CLDN7: variants seen among roughly 807,000 people sequenced by gnomAD.
CLDN7 encodes the protein claudin 7, also known as claudin-7.
A neutral mutation model predicts 20.3 loss-of-function variants in CLDN7; 15 were observed. The observed-to-expected ratio is 0.74, with a 90% confidence interval of 0.49 to 1.14. CLDN7 has a LOEUF of 1.14. Among genes scored for constraint, CLDN7 ranks in the 50% most tolerant of loss-of-function variants. The probability of loss-of-function intolerance (pLI) is 0.00; values close to 1 mark genes in which losing one functional copy is unlikely to be tolerated. For synonymous variants in CLDN7, 117 were observed against 106.1 expected (o/e 1.10, Z -0.63); for missense variants, 261 against 274.2 (o/e 0.95, Z 0.34).
Position 7,260,249 on chromosome 17 carries a change from G to T in CLDN7, c.*125C>A. On this transcript the variant is annotated 3_prime_UTR_variant, in exon 4 of 4. Transcript: ENST00000360325. ...AACCCAAGAGGACTATACATGGAGT[G>T]CAGGGACAGAGTGACCAGGAGGCCT... The T allele has an allele frequency of 1.0e-5, 9 of 900,202 alleles. No homozygotes were observed. Among genetic ancestry groups the T allele is most frequent in the Non-Finnish European group, 1.5e-5 (9 of 600,000 alleles). 55.8% of individuals were successfully genotyped at this position (900,202 alleles called of 1,614,324 possible). A position where few individuals can be genotyped will look rare whatever the true frequency, so the allele number is the denominator to read the frequency against.
chr17:7,260,867 C>G lies in CLDN7; in HGVS notation c.342G>C (p.Lys114Asn). The G allele has an allele frequency of 6.2e-7, 1 of 1,614,250 alleles. No homozygotes were observed. The highest frequency in any genetic ancestry group is 8.5e-7 in the Non-Finnish European group (1 of 1,180,054). Reference sequence around the variant, plus strand: ...CTCCACCCATGGCTATACGGGCCTTCTTCACTTTGTCGTCTCCCCCACAGC... The same window carrying G: ...CTCCACCCATGGCTATACGGGCCTTGTTCACTTTGTCGTCTCCCCCACAGC... ...CTRCGGDDKV[K>N]KARIAMGGGI... Residue 114 changes from lysine to asparagine, a missense_variant, in exon 2 of 4, where the codon AAG becomes AAC. This residue lies in a region of CLDN7 where 215 missense variants were observed against 199.6 expected (regional missense o/e 1.08). Coordinates refer to ENST00000360325, the MANE Select transcript of CLDN7 (RefSeq NM_001307.6).
Position 7,261,907 on chromosome 17 carries a change from A to G in CLDN7, c.137T>C (p.Met46Thr). The stretch of plus-strand genomic sequence containing the variant: ...GCAGTCCATCCACAGCCCCTTGTAC[A>G]TGGCCTGGGCCGTGATGATGTTGTC... ...AGDNIITAQA[M>T]YKGLWMDCVT... Residue 46 changes from methionine to threonine, a missense_variant, in exon 1 of 4, where the codon ATG (methionine) becomes ACG (threonine). By Grantham distance (81) the Met-to-Thr change is moderately conservative. Coordinates refer to ENST00000360325, the MANE Select transcript of CLDN7 (RefSeq NM_001307.6). 1.2e-6 allele frequency: 2 copies of G among 1,614,196 alleles called. No individual in the cohort carries two copies. Among genetic ancestry groups the G allele is most frequent in the African/African-American group, 1.3e-5 (1 of 75,066 alleles).
Position 7,260,239 on chromosome 17 carries a change from T to G in CLDN7, c.*135A>C. The G allele has an allele frequency of 1.5e-6, 1 of 660,996 alleles. No individual in the cohort carries two copies. 40.9% of individuals were successfully genotyped at this position (660,996 alleles called of 1,614,324 possible). ...CCCCACCCCCAACCCAAGAGGACTA[T>G]ACATGGAGTGCAGGGACAGAGTGAC... On this transcript the variant is annotated 3_prime_UTR_variant, in exon 4 of 4. Transcript: ENST00000360325.
Position 7,260,150 on chromosome 17 carries a change from TATTTTTTATTACTGTACAAAA to T in CLDN7, c.*203_*223del. 2.2e-6 allele frequency: 1 copy of T among 445,212 alleles called. No individual in the cohort carries two copies. Among genetic ancestry groups the T allele is most frequent in the South Asian group, 4.0e-5 (1 of 25,254 alleles). 27.6% of individuals were successfully genotyped at this position (445,212 alleles called of 1,614,324 possible). ...GGAAAAAAGCCTGCTTCCCAATACT[TATTTTTTATTACTGTACAAAA>T]AGCACACTCTCCCTCTTTTTGTCTC... On this transcript the variant is annotated 3_prime_UTR_variant, in exon 4 of 4. Coordinates refer to ENST00000360325, the MANE Select transcript of CLDN7 (RefSeq NM_001307.6).
At position 7,260,443 on chromosome 17, in the gene CLDN7, A is replaced by G. The variant is rs781058023; in HGVS notation, c.567T>C (p.Asn189=). The G allele has an allele frequency of 4.3e-6, 7 of 1,613,792 alleles. No individual in the cohort carries two copies. The highest frequency in any genetic ancestry group is 3.3e-5 in the Admixed American group (2 of 59,996). ...GTACACGGTACCCAGCCTTGCTCTC[A>G]TTCCCAGGACAGGAACAGGAGAGCA... The part of the protein sequence containing the change: ...GALLSCSCPG[N]ESKAGYRVPR... Residue 189 remains asparagine (N), a synonymous_variant, in exon 4 of 4, where the codon AAT becomes AAC. Transcript: ENST00000360325.
At chr17:7,262,690 C>G (rs2072244629), upstream of CLDN7, 1 of 152,394 alleles carries the variant, frequency 6.6e-6, no homozygotes, top group Admixed American at 6.5e-5. The surrounding 1 kb of genome is among the most constrained non-coding windows in gnomAD (Gnocchi z 6.6). Context: ...CACGCCCCTT[C>G]GCTTGCCCGG....
At position 7,261,925 on chromosome 17, in the gene CLDN7, A is replaced by C. The variant is rs745535338; in HGVS notation, c.119T>G (p.Ile40Ser). The change falls in exon 1 of 4, where the codon ATC becomes AGC. Residue 40 changes from isoleucine to serine, a missense_variant. Physicochemically the swap from Ile to Ser is moderately radical, Grantham distance 142. Transcript: ENST00000360325. ...CTTGTACATGGCCTGGGCCGTGATG[A>C]TGTTGTCACCCGCATAGGAGCTCAT... ...WQMSSYAGDN[I>S]ITAQAMYKGL... 1 of 1,614,152 alleles carries C rather than the reference A, an allele frequency of 6.2e-7. No homozygotes were observed. The highest frequency in any genetic ancestry group is 8.5e-7 in the Non-Finnish European group (1 of 1,180,028).
At chr17:7,261,116 GC>G in intron 1 of CLDN7, 131 bp from the exon 2 acceptor site, 1 of 1,296,950 alleles carries the variant, frequency 7.7e-7, no homozygotes, top group South Asian at 1.5e-5. Flanking sequence ...GGCCAGGGGC[GC>G]CCAGGTGTCC....
In CLDN7 at chr17:7,261,793, G is replaced by A. The variant is rs748685582; in HGVS notation, c.223+28C>T. 2.5e-6 allele frequency: 4 copies of A among 1,606,366 alleles called. No homozygotes were observed. The African/African-American group carries it at 4.0e-5, about 16-fold the overall frequency. On this transcript the variant is annotated intron_variant, in intron 1 of 3. Coordinates refer to ENST00000360325, the MANE Select transcript of CLDN7 (RefSeq NM_001307.6). ...ACCCCGCCACCTCGGTCAAGGGCGC[G>A]TCCGCCCCGTCGGTCCCGCGGCCTT...
At position 7,261,909 on chromosome 17, in the gene CLDN7, G is replaced by A. The variant is rs948237100; in HGVS notation, c.135C>T (p.Ala45=). 1 of 1,614,206 alleles carries A rather than the reference G, an allele frequency of 6.2e-7. No individual in the cohort carries two copies. The highest frequency in any genetic ancestry group is 8.5e-7 in the Non-Finnish European group (1 of 1,180,052). The part of the protein sequence containing the change: ...YAGDNIITAQ[A]MYKGLWMDCV... ...AGTCCATCCACAGCCCCTTGTACAT[G>A]GCCTGGGCCGTGATGATGTTGTCAC... The change falls in exon 1 of 4, where the codon GCC becomes GCT. Residue 45 remains alanine (A), a synonymous_variant. Transcript: ENST00000360325.
upstream of CLDN7, chr17:7,262,504 A>G (rs965896109): frequency 2.8e-6 from 2 of 708,278 alleles, no homozygotes; most frequent in African/African-American, 3.9e-5. The surrounding 1 kb of genome is among the most constrained non-coding windows in gnomAD (Gnocchi z 6.6). Context: ...ACCTGAGTAT[A>G]TGTAGGGCGT....
In CLDN7 at chr17:7,262,349, C is replaced by T. The variant is rs1036626442; in HGVS notation, c.-306G>A. Reference sequence around the variant, plus strand: ...TCCGGGCGCTCTCGGCGACCCTAGGCAAACAAAAGGTGGAGGGGCCGTCTG... The same window carrying T: ...TCCGGGCGCTCTCGGCGACCCTAGGTAAACAAAAGGTGGAGGGGCCGTCTG... On this transcript the variant is annotated 5_prime_UTR_variant, in exon 1 of 4. Transcript: ENST00000360325. This position sits in a 1 kb window ranked among gnomAD's most constrained non-coding sequence, Gnocchi z 6.6. The T allele has an allele frequency of 3.2e-6, 4 of 1,265,244 alleles. No individual in the cohort carries two copies. The highest frequency in any genetic ancestry group is 3.2e-4 in the Middle Eastern group (1 of 3,160). The allele number at this position is 1,265,244 out of a possible 1,614,324, so 78.4% of individuals were successfully genotyped here.
intron 1 of CLDN7, chr17:7,261,214 G>GC: frequency 3.4e-6 from 2 of 592,596 alleles, no homozygotes; most frequent in Non-Finnish European, 2.9e-6. Flanking sequence ...TCAAGGATCC[G>GC]CCCGGGGCGC....
At chr17:7,261,616 G>A (rs969971699) in intron 1 of CLDN7, among the ~76,000 whole-genome samples, 1 of 152,146 alleles carries the variant, frequency 6.6e-6, no homozygotes, top group Non-Finnish European at 1.5e-5. Context: ...AGAGGAACGT[G>A]GGCGACCGAG....
chr17:7,262,439 G>A lies in CLDN7; in HGVS notation c.-396C>T. Reference sequence around the variant, plus strand: ...GGCTGTAGGTCCGAGGCTGCGGTGCGCAGCAGAGGTGGCTCGGAGGTGAGC... The same window carrying A: ...GGCTGTAGGTCCGAGGCTGCGGTGCACAGCAGAGGTGGCTCGGAGGTGAGC... On this transcript the variant is annotated 5_prime_UTR_variant, in exon 1 of 4. Coordinates refer to ENST00000360325, the MANE Select transcript of CLDN7 (RefSeq NM_001307.6). The surrounding 1 kb of genome is among the most constrained non-coding windows in gnomAD (Gnocchi z 6.6). 2 of 1,052,074 alleles carry A rather than the reference G, an allele frequency of 1.9e-6. No homozygotes were observed. The highest frequency in any genetic ancestry group is 4.6e-4 in the Middle Eastern group (1 of 2,182). 65.2% of individuals were successfully genotyped at this position (1,052,074 alleles called of 1,614,324 possible).
rs941419766 is a variant in CLDN7, at chr17:7,260,210, AC to A, written c.*163del. 56 of 507,312 alleles carry A rather than the reference AC, an allele frequency of 1.1e-4. No individual in the cohort carries two copies. Among genetic ancestry groups the A allele is most frequent in the Non-Finnish European group, 1.3e-4 (40 of 307,422 alleles). The allele number at this position is 507,312 out of a possible 1,614,324, so 31.4% of individuals were successfully genotyped here. A position where few individuals can be genotyped will look rare whatever the true frequency, so the allele number is the denominator to read the frequency against. On this transcript the variant is annotated 3_prime_UTR_variant, in exon 4 of 4. Transcript: ENST00000360325. Reference sequence around the variant, plus strand: ...TCTTTTTGTCTCTCCCACCAACGGCACCCCCCCACCCCCAACCCAAGAGGAC... The same window carrying A: ...TCTTTTTGTCTCTCCCACCAACGGCACCCCCCACCCCCAACCCAAGAGGAC...
In CLDN7 at chr17:7,262,285, C is replaced by T. The variant is rs906746495; in HGVS notation, c.-242G>A. On this transcript the variant is annotated 5_prime_UTR_variant, in exon 1 of 4. Transcript: ENST00000360325. This position sits in a 1 kb window ranked among gnomAD's most constrained non-coding sequence, Gnocchi z 6.6. Reference sequence around the variant, plus strand: ...GTAGGATACGCCGGGAGGGTGGTTCCAGACAAAATTGGTGGTCCCCGAAGG... The same window carrying T: ...GTAGGATACGCCGGGAGGGTGGTTCTAGACAAAATTGGTGGTCCCCGAAGG... The T allele has an allele frequency of 9.4e-6, 13 of 1,388,214 alleles. No homozygotes were observed. The African/African-American group carries it at 1.9e-4, about 20-fold the overall frequency. The allele number at this position is 1,388,214 out of a possible 1,614,324, so 86.0% of individuals were successfully genotyped here.
Position 7,260,268 on chromosome 17 carries a change from G to C in CLDN7, c.*106C>G, listed in dbSNP as rs969023075. On this transcript the variant is annotated 3_prime_UTR_variant, in exon 4 of 4. Coordinates refer to ENST00000360325, the MANE Select transcript of CLDN7 (RefSeq NM_001307.6). ...TGGAGTGCAGGGACAGAGTGACCAG[G>C]AGGCCTTTGTCCGGCACCCTGCCCA... 1 of 1,209,866 alleles carries C rather than the reference G, an allele frequency of 8.3e-7. No homozygotes were observed. Among genetic ancestry groups the C allele is most frequent in the African/African-American group, 1.5e-5 (1 of 65,406 alleles). The allele number at this position is 1,209,866 out of a possible 1,614,324, so 74.9% of individuals were successfully genotyped here.
Position 7,261,870 on chromosome 17 carries a change from G to A in CLDN7, c.174C>T (p.Ser58=). 2 of 1,614,160 alleles carry A rather than the reference G, an allele frequency of 1.2e-6. No individual in the cohort carries two copies. The highest frequency in any genetic ancestry group is 1.7e-6 in the Non-Finnish European group (2 of 1,180,044). ...KGLWMDCVTQ[S]TGMMSCKMYD... ...ACATTTTGCAGCTCATCATCCCCGT[G>A]CTCTGCGTGACGCAGTCCATCCACA... Residue 58 remains serine, a synonymous_variant, in exon 1 of 4, where the codon AGC becomes AGT. Coordinates refer to ENST00000360325, the MANE Select transcript of CLDN7 (RefSeq NM_001307.6).
Sources: allele counts gnomAD v4.1 joint callset (sites outside exome capture counted in the v4.1 genomes callset), GRCh38; gene constraint gnomAD v4.1.1; regional missense constraint gnomAD v4.1.1; non-coding constraint Gnocchi (gnomAD v3.1); transcripts MANE v1.5; gene names NCBI Gene and HGNC (gene_info 2026-07-23, HGNC 2026-07-21).